The following DLGAP2 variants were observed in gnomAD, a reference collection of about 807,000 sequenced individuals.
DLGAP2 encodes the protein DLG associated protein 2, also known as disks large-associated protein 2.
A neutral mutation model predicts 100.3 loss-of-function variants in DLGAP2; 26 were observed. The ratio of observed to expected loss-of-function variants is 0.26; its 90% CI spans 0.19 to 0.36. DLGAP2 has a LOEUF of 0.36. Ranked by LOEUF, DLGAP2 falls within the 10% of genes least tolerant of loss-of-function variation. DLGAP2 has a pLI of 1.00. For synonymous variants in DLGAP2, 886 were observed against 630.1 expected (o/e 1.41, Z -6.08); for missense variants, 1,858 against 1,453.2 (o/e 1.28, Z -4.53).
intron 2 of DLGAP2, among the ~76,000 whole-genome samples, chr8:1,112,660 A>G (rs1036933845): frequency 7.2e-5 from 11 of 152,156 alleles, no homozygotes; most frequent in Non-Finnish European, 1.6e-4. Context: ...CTCCCATTCT[A>G]GTAGTTTGTC....
intron 6 of DLGAP2, among the ~76,000 whole-genome samples, chr8:1,590,569 G>A (rs7824038): frequency 0.1 from 15,420 of 152,180 alleles, 1,242 homozygotes; most frequent in African/African-American, 0.23. Flanking sequence ...TCAGTTTAGC[G>A]ATTGTTGGTG....
chr8:1,390,364 A>G (rs950987200), intron 3 of DLGAP2, among the ~76,000 whole-genome samples: 4 of 151,986 alleles, frequency 2.6e-5, no homozygotes, highest in Non-Finnish European at 4.4e-5. Context: ...TTATTAAAAT[A>G]ATACTTTTTT....
At chr8:944,965 A>G (rs11778691) in intron 2 of DLGAP2, among the ~76,000 whole-genome samples, 1 of 152,140 alleles carries the variant, frequency 6.6e-6, no homozygotes, top group Admixed American at 6.5e-5. Context: ...TGATTTTCCT[A>G]GTGATCTGTG....
intron 3 of DLGAP2, chr8:1,302,658 C>T (rs1376020044): frequency 1.3e-5 from 2 of 152,248 alleles, no homozygotes; most frequent in African/African-American, 2.4e-5. Flanking sequence ...CAGCATTTTA[C>T]GTGAGTCCTC....
intron 3 of DLGAP2, among the ~76,000 whole-genome samples, chr8:1,408,352 G>C (rs935422190): frequency 6.6e-6 from 1 of 152,218 alleles, no homozygotes; most frequent in African/African-American, 2.4e-5. Flanking sequence ...GGAGGCGTCT[G>C]TGTTCTCATC....
At chr8:1,020,574 A>C (rs910512041) in intron 2 of DLGAP2, among the ~76,000 whole-genome samples, 1 of 152,242 alleles carries the variant, frequency 6.6e-6, no homozygotes, top group Non-Finnish European at 1.5e-5. Context: ...TCTGAGAGTG[A>C]GAGTGAACGC....
intron 2 of DLGAP2, chr8:1,019,175 G>C (rs1414805915): frequency 6.6e-6 from 1 of 152,162 alleles, no homozygotes; most frequent in African/African-American, 2.4e-5. Flanking sequence ...TCTAGAGTGA[G>C]TGTGAACAGC....
chr8:1,362,106 T>C (rs1164913070), intron 3 of DLGAP2, among the ~76,000 whole-genome samples: 1 of 394 alleles, frequency 2.5e-3, no homozygotes, highest in East Asian at 0.062. Context: ...CTCGGGGAGT[T>C]AGCGTACTTC....
At chr8:1,529,364 G>A (rs901361950) in intron 4 of DLGAP2, among the ~76,000 whole-genome samples, 3 of 152,168 alleles carry the variant, frequency 2.0e-5, no homozygotes, top group African/African-American at 4.8e-5. Flanking sequence ...CATTGAAGAT[G>A]AGATTTAGAT....
rs528743657 is a variant in DLGAP2, at chr8:745,519, C to T, written c.18+7694C>T. ...TCTCTAATGATATTTTCTCAAGAGT[C>T]GCAGCACTCAATTTTAAAAAAACTC... On this transcript the variant is annotated intron_variant, in intron 1 of 14. Coordinates refer to ENST00000637795, the MANE Select transcript of DLGAP2 (RefSeq NM_001346810.2). Among the ~76,000 whole-genome samples the T allele has an allele frequency of 5.3e-5, 8 of 152,174 alleles. No homozygotes were observed. The East Asian group carries it at 1.3e-3, about 26-fold the overall frequency.
At chr8:1,047,039 T>G (rs1241575464) in intron 2 of DLGAP2, among the ~76,000 whole-genome samples, 3 of 152,276 alleles carry the variant, frequency 2.0e-5, no homozygotes, top group African/African-American at 7.2e-5. Context: ...AAACATTCAG[T>G]GGTTTTAATA....
At chr8:1,446,452 G>C (rs184516383) in intron 3 of DLGAP2, among the ~76,000 whole-genome samples, 1 of 152,046 alleles carries the variant, frequency 6.6e-6, no homozygotes, top group African/African-American at 2.4e-5. Flanking sequence ...TTGATCTATA[G>C]CTCTGTTTTG....
chr8:1,181,188 C>T (rs529013196), intron 2 of DLGAP2, among the ~76,000 whole-genome samples: 2,678 of 95,434 alleles, frequency 0.028, 135 homozygotes, highest in African/African-American at 0.11. Context: ...GTGTGGGTGG[C>T]TGTGCAAGGG....
intron 6 of DLGAP2, 70 bp from the exon 7 acceptor site, chr8:1,626,669 AT>A: frequency 6.5e-7 from 1 of 1,538,618 alleles, no homozygotes; most frequent in Non-Finnish European, 8.8e-7. Context: ...TGTGGGTTGG[AT>A]GGTCATTCCC....
At chr8:1,488,743 C>G (rs377428952) in intron 3 of DLGAP2, among the ~76,000 whole-genome samples, 1 of 152,166 alleles carries the variant, frequency 6.6e-6, no homozygotes, top group East Asian at 1.9e-4. Context: ...ATGGGCATGA[C>G]GACGTTTTAT....
At chr8:1,386,647 G>A (rs1022673886) in intron 3 of DLGAP2, among the ~76,000 whole-genome samples, 3 of 152,136 alleles carry the variant, frequency 2.0e-5, no homozygotes, top group African/African-American at 7.2e-5. Context: ...ACCCAGAAAC[G>A]AGAGAAGAAA....
intron 2 of DLGAP2, among the ~76,000 whole-genome samples, chr8:1,223,653 A>C (rs1400571714): frequency 6.6e-6 from 1 of 152,204 alleles, no homozygotes; most frequent in Non-Finnish European, 1.5e-5. Flanking sequence ...TTGTGTTCCC[A>C]CAGCAAGATT....
At chr8:1,509,934 C>T (rs1005302663) in intron 4 of DLGAP2, among the ~76,000 whole-genome samples, 4 of 152,078 alleles carry the variant, frequency 2.6e-5, no homozygotes, top group Non-Finnish European at 2.9e-5. Context: ...CTCTGGAGGA[C>T]GCGGCCGCGG....
At chr8:1,603,791 G>A (rs946629197) in intron 6 of DLGAP2, among the ~76,000 whole-genome samples, 4 of 152,172 alleles carry the variant, frequency 2.6e-5, no homozygotes. Flanking sequence ...GCTGAGGAGG[G>A]ATCTGCAGGC....
Sources: allele counts gnomAD v4.1 joint callset (sites outside exome capture counted in the v4.1 genomes callset), GRCh38; gene constraint gnomAD v4.1.1; transcripts MANE v1.5; gene names NCBI Gene and HGNC (gene_info 2026-07-23, HGNC 2026-07-21).